ADAMTS16: variants seen among roughly 807,000 people sequenced by gnomAD.
The protein encoded by ADAMTS16 is A disintegrin and metalloproteinase with thrombospondin motifs 16.
Under a neutral mutation model 145.8 loss-of-function variants are expected in ADAMTS16, and 94 were observed. That is an observed-to-expected ratio of 0.64 (90% CI 0.55 to 0.77). The LOEUF (loss-of-function observed/expected upper bound fraction) is 0.77. Among genes scored for constraint, ADAMTS16 ranks in the 30% least tolerant of loss-of-function variants. The pLI is 0.00. For missense variants in ADAMTS16, 1,585 were observed against 1,591.5 expected, an observed-to-expected ratio of 1.00 and a Z score of 0.07; for synonymous variants, 659 against 604.3, an observed-to-expected ratio of 1.09 and a Z score of -1.33.
Position 5,203,778 on chromosome 5 carries a change from G to A in ADAMTS16, c.1451+3509G>A, listed in dbSNP as rs113187841. The stretch of plus-strand genomic sequence containing the variant: ...TTTTTAAAAATTTAAATCATGCCCT[G>A]CAGATCAGTGAAAATGCCAGCTCTC... On this transcript the variant is annotated intron_variant, in intron 9 of 22. Coordinates refer to ENST00000274181, the MANE Select transcript of ADAMTS16 (RefSeq NM_139056.4). Among the ~76,000 whole-genome samples, 481 of 152,194 alleles carry A rather than the reference G, an allele frequency of 3.2e-3. 1 individual carries two copies. Among genetic ancestry groups the A allele is most frequent in the African/African-American group, 0.011 (458 of 41,514 alleles).
At chr5:5,190,202 A>T (rs1196798063) in intron 7 of ADAMTS16, 72 bp downstream of exon 7, 1 of 1,457,276 alleles carries the variant, frequency 6.9e-7, no homozygotes, top group Non-Finnish European at 9.1e-7. Flanking sequence ...AGTGTTGAGT[A>T]TTTTTGCCCT....
rs1292855838 is a variant in ADAMTS16 at position 5,306,625 on chromosome 5, T to C, written c.3308T>C (p.Leu1103Pro). The change falls in exon 21 of 23, where the codon CTG becomes CCG. Residue 1103 changes from leucine (L) to proline (P), a missense_variant. Physicochemically the swap from Leu to Pro is moderately conservative, Grantham distance 98 (BLOSUM62 -3). Transcript: ENST00000274181. Reference protein sequence around the residue: ...KKCSHLPKPSLELERACAPLP... With the variant: ...KKCSHLPKPSPELERACAPLP... ...TGCTCACATTTGCCGAAGCCCAGCC[T>C]GGAGCTGGAACGTGCCTGCGCCCCG... 6.2e-7 allele frequency: 1 copy of C among 1,614,066 alleles called. No homozygotes were observed. The highest frequency in any genetic ancestry group is 1.3e-5 in the African/African-American group (1 of 74,930).
Position 5,317,962 on chromosome 5 carries a change from G to A in ADAMTS16, c.3412-172G>A, listed in dbSNP as rs892946535. On this transcript the variant is annotated intron_variant, in intron 21 of 22. Transcript: ENST00000274181. The surrounding 1 kb of genome is among the most constrained non-coding windows in gnomAD (Gnocchi z 4.5). ...CTTCTGGAAAAGGTGAGCAGGGACC[G>A]TGCTCACTCGCGCACATCGTGGCCA... Among the ~76,000 whole-genome samples, 1 of 152,332 alleles carries A rather than the reference G, an allele frequency of 6.6e-6. No individual in the cohort carries two copies. Among genetic ancestry groups the A allele is most frequent in the Admixed American group, 6.5e-5 (1 of 15,304 alleles).
At chr5:5,173,314 G>A (rs919612387) in intron 3 of ADAMTS16, among the ~76,000 whole-genome samples, 3 of 148,536 alleles carry the variant, frequency 2.0e-5, no homozygotes, top group Admixed American at 6.7e-5. Flanking sequence ...GGGGTTTTTT[G>A]TGCCGTTTTA....
chr5:5,209,082 C>G lies in ADAMTS16; in HGVS notation c.1452-11C>G, dbSNP rs1332956187. ...GGCAGTTACTAGTAGCTCATCTCCT[C>G]TTTGTTTCAGCACCGCTCAAGCTAT... On this transcript the variant is annotated splice_polypyrimidine_tract_variant and intron_variant, in intron 9 of 22. Transcript: ENST00000274181. 3 of 1,610,754 alleles carry G rather than the reference C, an allele frequency of 1.9e-6. No individual in the cohort carries two copies. Among genetic ancestry groups the G allele is most frequent in the Non-Finnish European group, 2.5e-6 (3 of 1,178,320 alleles).
At chr5:5,207,086 T>G (rs1248355566) in intron 9 of ADAMTS16, among the ~76,000 whole-genome samples, 1 of 152,210 alleles carries the variant, frequency 6.6e-6, no homozygotes, top group Non-Finnish European at 1.5e-5. Context: ...ATCCTCAAAA[T>G]AACTTCCTTT....
chr5:5,178,782 G>A (rs1352033027), intron 3 of ADAMTS16, among the ~76,000 whole-genome samples: 2 of 152,144 alleles, frequency 1.3e-5, no homozygotes, highest in South Asian at 4.1e-4. Flanking sequence ...TGAGCCTGGG[G>A]GAAAGGAGAG....
At chr5:5,141,771 T>C (rs1308408623) in intron 2 of ADAMTS16, among the ~76,000 whole-genome samples, 2 of 152,176 alleles carry the variant, frequency 1.3e-5, no homozygotes, top group African/African-American at 4.8e-5. Flanking sequence ...ACTTTTGAAA[T>C]TATTCCCTGC....
At chr5:5,290,657 A>G (rs898318595) in intron 18 of ADAMTS16, among the ~76,000 whole-genome samples, 2 of 152,212 alleles carry the variant, frequency 1.3e-5, no homozygotes, top group Non-Finnish European at 2.9e-5. Context: ...TCTCAAAGAA[A>G]AAAAAGGTGT....
Position 5,200,146 on chromosome 5 carries a change from A to T in ADAMTS16, c.1328A>T (p.His443Leu). Residue 443 changes from histidine (H) to leucine (L), a missense_variant, in exon 9 of 23, where the codon CAT (histidine) becomes CTT (leucine). His to Leu is a moderately conservative substitution (Grantham distance 99). Coordinates refer to ENST00000274181, the MANE Select transcript of ADAMTS16 (RefSeq NM_139056.4). ...CTCTCTCATAGCTTTGGCATGATTC[A>T]TGATGGAGAAGGGAACATGTGCAAA... is the stretch of plus-strand genomic sequence containing the variant. The part of the protein sequence containing the change: ...HESGHNFGMI[H>L]DGEGNMCKKS... 1 of 1,610,882 alleles carries T rather than the reference A, an allele frequency of 6.2e-7. No homozygotes were observed. The highest frequency in any genetic ancestry group is 2.2e-5 in the East Asian group (1 of 44,800).
At chr5:5,172,976 C>T (rs747541547) in intron 3 of ADAMTS16, among the ~76,000 whole-genome samples, 2 of 151,980 alleles carry the variant, frequency 1.3e-5, no homozygotes, top group African/African-American at 2.4e-5. Context: ...ATATAATGAC[C>T]TTCTTTATCT....
At chr5:5,146,871 G>A (rs1734313101) in intron 3 of ADAMTS16, among the ~76,000 whole-genome samples, 1 of 152,208 alleles carries the variant, frequency 6.6e-6, no homozygotes, top group South Asian at 2.1e-4. Flanking sequence ...TATTTGATCA[G>A]ATATTTGAAA....
chr5:5,233,189 C>T (rs188241047), intron 12 of ADAMTS16, among the ~76,000 whole-genome samples: 114 of 144,020 alleles, frequency 7.9e-4, no homozygotes, highest in Non-Finnish European at 9.9e-4. Flanking sequence ...AATGGTTTTA[C>T]GTGGAAAAAA....
chr5:5,209,589 T>C (rs898132307), intron 10 of ADAMTS16, among the ~76,000 whole-genome samples: 4 of 152,070 alleles, frequency 2.6e-5, no homozygotes, highest in African/African-American at 9.7e-5. Context: ...AAAAACGAAG[T>C]CCCCCTCCTC....
chr5:5,207,657 T>C lies in ADAMTS16; in HGVS notation c.1452-1436T>C, dbSNP rs531792665. 1.2e-4 allele frequency among the ~76,000 whole-genome samples: 19 copies of C among 152,254 alleles called. No individual in the cohort carries two copies. The South Asian group carries it at 3.9e-3, about 32-fold the overall frequency. On this transcript the variant is annotated intron_variant, in intron 9 of 22. Transcript: ENST00000274181. Reference sequence around the variant, plus strand: ...TTAAGTTTCGCACCATTAATTATAATGTTAACTATATTTTTTGTAGATGGA... The same window carrying C: ...TTAAGTTTCGCACCATTAATTATAACGTTAACTATATTTTTTGTAGATGGA...
intron 17 of ADAMTS16, among the ~76,000 whole-genome samples, chr5:5,249,274 A>C (rs1011005263): frequency 1.2e-4 from 18 of 152,342 alleles, no homozygotes; most frequent in African/African-American, 4.3e-4. Flanking sequence ...CAGAGTATGC[A>C]AGAACTGGAG....
chr5:5,187,932 A>G, intron 6 of ADAMTS16, 124 bp downstream of exon 6: 1 of 616,298 alleles, frequency 1.6e-6, no homozygotes, highest in Non-Finnish European at 2.7e-6. Context: ...TGTATTTAAT[A>G]TTTTGTGTCT....
At chr5:5,171,127 G>T (rs929933052) in intron 3 of ADAMTS16, among the ~76,000 whole-genome samples, 1 of 152,068 alleles carries the variant, frequency 6.6e-6, no homozygotes, top group Non-Finnish European at 1.5e-5. Context: ...TTTATGTCCT[G>T]CAACTTTACT....
At chr5:5,318,392 TTC>T (rs1378332312) in intron 22 of ADAMTS16, 111 bp downstream of exon 22, 1 of 1,117,206 alleles carries the variant, frequency 9.0e-7, no homozygotes, top group Non-Finnish European at 1.2e-6. Flanking sequence ...GATCTACCTT[TTC>T]TCTCTTTGCA....
Sources: allele counts gnomAD v4.1 joint callset (sites outside exome capture counted in the v4.1 genomes callset), GRCh38; gene constraint gnomAD v4.1.1; non-coding constraint Gnocchi (gnomAD v3.1); transcripts MANE v1.5; gene names NCBI Gene and HGNC (gene_info 2026-07-23, HGNC 2026-07-21).